DNAJB6: variants seen among roughly 807,000 people sequenced by gnomAD.
DNAJB6 encodes DnaJ heat shock protein family (Hsp40) member B6.
A neutral mutation model predicts 42.7 loss-of-function variants in DNAJB6; 16 were observed. That is an observed-to-expected ratio of 0.37 (90% CI 0.25 to 0.57). The LOEUF (loss-of-function observed/expected upper bound fraction) is 0.57, where lower values mean the gene tolerates loss of function less well. DNAJB6 is among the 20% of genes least tolerant of loss of function. The pLI, the probability that DNAJB6 is intolerant of heterozygous loss-of-function variation, is 0.74. For missense variants in DNAJB6, 347 were observed against 416.8 expected (o/e 0.83, Z 1.46); for synonymous variants, 170 against 163.5 (o/e 1.04, Z -0.30).
chr7:157,353,586 G>GGTGTGTGTGTGTGT lies in DNAJB6; in HGVS notation c.-26-4938_-26-4925dup, dbSNP rs370854040. Among the ~76,000 whole-genome samples the GGTGTGTGTGTGTGT allele has an allele frequency of 2.4e-3, 343 of 140,058 alleles. 1 individual carries two copies. The highest frequency in any genetic ancestry group is 5.3e-3 in the African/African-American group (194 of 36,516). 91.9% of individuals were successfully genotyped at this position (140,058 alleles called of 152,430 possible). ...CTGTCCCGTTGTTTTTCTTGACCGG[G>GGTGTGTGTGTGTGT]GTGTGTGTGTGTGTGTGTGTGTGTG... On this transcript the variant is annotated intron_variant, in intron 1 of 9. Transcript: ENST00000262177.
chr7:157,377,720 A>C (rs1405331015), intron 5 of DNAJB6, among the ~76,000 whole-genome samples: 1 of 152,214 alleles, frequency 6.6e-6, no homozygotes, highest in Non-Finnish European at 1.5e-5. Flanking sequence ...TCTCATCCAG[A>C]ATCACCCAGA....
In DNAJB6 at chr7:157,341,985, G is replaced by A. The variant is rs556114614; in HGVS notation, c.-27+4841G>A. On this transcript the variant is annotated intron_variant, in intron 1 of 9. Coordinates refer to ENST00000262177, the MANE Select transcript of DNAJB6 (RefSeq NM_058246.4). ...GGGTTCAAGCGATTCTCCTGCCTCA[G>A]CCTCCCTGGTAGCTGAGATTACAGG... Among the ~76,000 whole-genome samples the A allele has an allele frequency of 9.9e-5, 15 of 152,192 alleles. No individual in the cohort carries two copies. The East Asian group carries it at 2.7e-3, about 27-fold the overall frequency.
At chr7:157,382,047 A>G (rs1460204392) in intron 5 of DNAJB6, 199 bp from the exon 6 acceptor site, 6 of 483,068 alleles carry the variant, frequency 1.2e-5, no homozygotes, top group African/African-American at 1.0e-4. Context: ...TTGTAGTTTT[A>G]GTTGAATTAA....
chr7:157,392,035 G>A (rs1021601378), intron 8 of DNAJB6, among the ~76,000 whole-genome samples: 1 of 150,828 alleles, frequency 6.6e-6, no homozygotes, highest in Non-Finnish European at 1.5e-5. Context: ...TCAGGGATAT[G>A]AGGCTGCAGT....
chr7:157,371,517 C>T (rs1205134852), intron 5 of DNAJB6, among the ~76,000 whole-genome samples: 1 of 152,190 alleles, frequency 6.6e-6, no homozygotes, highest in Admixed American at 6.5e-5. Context: ...TGGAACCCGT[C>T]CTTTACAGAA....
chr7:157,346,931 C>T (rs1196826850), intron 1 of DNAJB6, among the ~76,000 whole-genome samples: 2 of 152,216 alleles, frequency 1.3e-5, no homozygotes, highest in South Asian at 2.1e-4. Flanking sequence ...TCTCGGCGCA[C>T]TGCAAGCTCC....
At chr7:157,351,435 C>T (rs972749327) in intron 1 of DNAJB6, among the ~76,000 whole-genome samples, 1 of 151,854 alleles carries the variant, frequency 6.6e-6, no homozygotes, top group Non-Finnish European at 1.5e-5. Flanking sequence ...CGAGACCATC[C>T]TGGCTGGCAT....
intron 1 of DNAJB6, among the ~76,000 whole-genome samples, chr7:157,341,633 T>C (rs1368034398): frequency 2.0e-5 from 3 of 152,238 alleles, no homozygotes; most frequent in African/African-American, 7.2e-5. Context: ...TACTAATACT[T>C]ATTCCTCTCT....
At chr7:157,362,479 A>AT (rs1454284057) in intron 2 of DNAJB6, among the ~76,000 whole-genome samples, 5 of 151,814 alleles carry the variant, frequency 3.3e-5, no homozygotes. Flanking sequence ...GGTTCCAGTG[A>AT]TTCTCCTGCC....
intron 1 of DNAJB6, among the ~76,000 whole-genome samples, chr7:157,348,403 A>G (rs1431681576): frequency 6.6e-6 from 1 of 152,122 alleles, no homozygotes; most frequent in African/African-American, 2.4e-5. Context: ...CTTATTTTTT[A>G]ATATTGCCAT....
intron 1 of DNAJB6, among the ~76,000 whole-genome samples, chr7:157,344,428 G>C (rs563962978): frequency 1.3e-5 from 2 of 151,474 alleles, no homozygotes; most frequent in Non-Finnish European, 2.9e-5. Context: ...CAGGAGAATC[G>C]CTGGAACCAG....
intron 1 of DNAJB6, among the ~76,000 whole-genome samples, chr7:157,344,070 G>T (rs982773784): frequency 2.0e-5 from 3 of 152,132 alleles, no homozygotes; most frequent in Non-Finnish European, 4.4e-5. Context: ...GCCGGGTGTG[G>T]TGGCTCACAC....
At chr7:157,408,830 G>A (rs548269971) in intron 8 of DNAJB6, among the ~76,000 whole-genome samples, 16 of 152,372 alleles carry the variant, frequency 1.1e-4, no homozygotes, top group Non-Finnish European at 2.1e-4. Flanking sequence ...GGAGGATGGG[G>A]CCGCCCCTGG....
intron 8 of DNAJB6, among the ~76,000 whole-genome samples, chr7:157,408,260 T>C (rs1455346441): frequency 6.6e-6 from 1 of 152,206 alleles, no homozygotes; most frequent in East Asian, 1.9e-4. Context: ...CCTCACAGCC[T>C]GCGTTTACGG....
In DNAJB6 at chr7:157,393,076, C is replaced by T. The variant is rs540392625; in HGVS notation, c.691+7465C>T. Among the ~76,000 whole-genome samples, 7 of 152,180 alleles carry T rather than the reference C, an allele frequency of 4.6e-5. No individual in the cohort carries two copies. In the East Asian group the frequency reaches 9.7e-4, roughly 21 times the overall value. On this transcript the variant is annotated intron_variant, in intron 8 of 9. Transcript: ENST00000262177. Reference sequence around the variant, plus strand: ...GCAACCCCTGCCTCCTGGGTTCAAGCGATTCTCCTGCCTCAGCCTCCCGAG... The same window carrying T: ...GCAACCCCTGCCTCCTGGGTTCAAGTGATTCTCCTGCCTCAGCCTCCCGAG...
chr7:157,369,780 A>ATAACATTATTATTAAACAGGCCCTTTCT (rs1584909452), intron 5 of DNAJB6, among the ~76,000 whole-genome samples: 1 of 140,418 alleles, frequency 7.1e-6, no homozygotes, highest in East Asian at 2.2e-4. Flanking sequence ...CAGGCCTTTC[A>ATAACATTATTATTAAACAGGCCCTTTCT]TAACATTATT....
At chr7:157,347,448 C>T (rs190950917) in intron 1 of DNAJB6, among the ~76,000 whole-genome samples, 5 of 152,180 alleles carry the variant, frequency 3.3e-5, no homozygotes, top group South Asian at 2.1e-4. Context: ...CTGAAGCCAT[C>T]CTCCTGCCTC....
intron 8 of DNAJB6, among the ~76,000 whole-genome samples, chr7:157,404,470 T>C (rs1181086013): frequency 8.2e-6 from 1 of 122,322 alleles, no homozygotes; most frequent in Non-Finnish European, 1.8e-5. Context: ...TTTTGTCTTT[T>C]TTTTTTTTTT....
chr7:157,340,998 G>GCGCGCGCACGCT (rs1554450093), intron 1 of DNAJB6, among the ~76,000 whole-genome samples: 2 of 134,960 alleles, frequency 1.5e-5, no homozygotes, highest in African/African-American at 6.4e-5. Flanking sequence ...GTGTGTGTGT[G>GCGCGCGCACGCT]CGCGCGCGCA....
Sources: gnomAD v4.1 joint callset for allele counts (sites outside exome capture counted in the v4.1 genomes callset) on GRCh38, gnomAD v4.1.1 for gene constraint, MANE v1.5 for transcripts, NCBI Gene and HGNC (gene_info 2026-07-23, HGNC 2026-07-21) for gene names.